The following RBFOX3 variants were observed in gnomAD, a reference collection of about 807,000 sequenced individuals.
The protein encoded by RBFOX3 is RNA binding protein fox-1 homolog 3.
Under a neutral mutation model 48.7 loss-of-function variants are expected in RBFOX3, and 17 were observed. The observed-to-expected ratio is 0.35, with a 90% CI of 0.24 to 0.52. The LOEUF (loss-of-function observed/expected upper bound fraction) is 0.52, where lower values mean the gene tolerates loss of function less well. Ranked by LOEUF, RBFOX3 falls within the 20% of genes least tolerant of loss-of-function variation. RBFOX3 has a pLI of 0.94. For missense variants in RBFOX3, 382 were observed against 497.5 expected (o/e 0.77, Z 2.21); for synonymous variants, 212 against 209.5 (o/e 1.01, Z -0.10).
In RBFOX3 at chr17:79,592,620, C is replaced by T. The variant is rs892613997; in HGVS notation, c.-320+18206G>A. 4.6e-5 allele frequency among the ~76,000 whole-genome samples: 7 copies of T among 152,136 alleles called. No homozygotes were observed. In the East Asian group the frequency reaches 1.4e-3, roughly 29 times the overall value. On this transcript the variant is annotated intron_variant, in intron 1 of 14. Coordinates refer to ENST00000693108, the MANE Select transcript of RBFOX3 (RefSeq NM_001350451.2). ...AGGGAGTGGTTCCCTCCCCACACTC[C>T]CACCTGCGCTGTGAACACACTCCCT...
chr17:79,539,343 C>T (rs2089331607), intron 1 of RBFOX3, among the ~76,000 whole-genome samples: 1 of 152,122 alleles, frequency 6.6e-6, no homozygotes, highest in African/African-American at 2.4e-5. Flanking sequence ...CAGAGTGAGA[C>T]CTTGTCTCAA....
At chr17:79,630,047 C>T in the RBFOX3 span, among the ~76,000 whole-genome samples, 4 of 152,002 alleles carry the variant, frequency 2.6e-5, no homozygotes, top group African/African-American at 7.3e-5. Context: ...GGATCTGAAT[C>T]GTATTTGTAA....
chr17:79,620,508 CGCATACGTGCACAT>C, the RBFOX3 span, among the ~76,000 whole-genome samples: 16 of 150,652 alleles, frequency 1.1e-4, no homozygotes, highest in East Asian at 9.9e-4. Flanking sequence ...CACACACATG[CGCATACGTGCACAT>C]GCATACGCGC....
Position 79,286,707 on chromosome 17 carries a change from T to C in RBFOX3, c.-74+21017A>G, listed in dbSNP as rs533713514. Among the ~76,000 whole-genome samples the C allele has an allele frequency of 5.9e-5, 9 of 152,154 alleles. No homozygotes were observed. In the East Asian group the frequency reaches 1.7e-3, roughly 29 times the overall value. On this transcript the variant is annotated intron_variant, in intron 3 of 14. Transcript: ENST00000693108. ...ACTTTCTGGTTCTTCTCCCTTGGTG[T>C]TAAGAATGGGAAAGGGTAGGGCCCT...
intron 2 of RBFOX3, among the ~76,000 whole-genome samples, chr17:79,449,086 T>C (rs1167099482): frequency 1.3e-5 from 2 of 152,032 alleles, no homozygotes; most frequent in Non-Finnish European, 2.9e-5. Context: ...CCCAGACCCC[T>C]CTTCCTGCCT....
chr17:79,156,835 T>G (rs1470001543), intron 4 of RBFOX3, among the ~76,000 whole-genome samples: 1 of 152,186 alleles, frequency 6.6e-6, no homozygotes, highest in African/African-American at 2.4e-5. Context: ...CCTTGGCTTC[T>G]GCTGATGGGA....
chr17:79,281,280 C>G (rs995047317), intron 3 of RBFOX3, among the ~76,000 whole-genome samples: 39 of 151,838 alleles, frequency 2.6e-4, no homozygotes, highest in South Asian at 8.3e-4. Context: ...AGCTTGGATG[C>G]GTGTGGTTAG....
chr17:79,665,418 A>G, the RBFOX3 span, among the ~76,000 whole-genome samples: 2 of 151,772 alleles, frequency 1.3e-5, no homozygotes, highest in Non-Finnish European at 2.9e-5. Context: ...GGGCCTGGAG[A>G]GGAGCGGAGC....
At chr17:79,201,147 A>G (rs1230515318) in intron 4 of RBFOX3, among the ~76,000 whole-genome samples, 1 of 151,524 alleles carries the variant, frequency 6.6e-6, no homozygotes, top group East Asian at 2.0e-4. Context: ...TCCGGATCCG[A>G]TGGAGCTGTA....
chr17:79,216,002 A>G (rs762564531), intron 4 of RBFOX3, among the ~76,000 whole-genome samples: 2 of 152,228 alleles, frequency 1.3e-5, no homozygotes, highest in Non-Finnish European at 2.9e-5. Context: ...GCAGGGCTGG[A>G]GCTGATGGTC....
Position 79,391,074 on chromosome 17 carries a change from C to A in RBFOX3, c.-174-83250G>T, listed in dbSNP as rs2061330494. Among the ~76,000 whole-genome samples the A allele has an allele frequency of 6.6e-6, 1 of 152,196 alleles. No individual in the cohort carries two copies. Among genetic ancestry groups the A allele is most frequent in the Admixed American group, 6.5e-5 (1 of 15,280 alleles). The stretch of plus-strand genomic sequence containing the variant: ...CTACCCACTGCCATGGGAGCCTTCG[C>A]ACCTCGGGTCTGGTGGCCTGTAACC... On this transcript the variant is annotated intron_variant, in intron 2 of 14. Transcript: ENST00000693108. The surrounding 1 kb of genome is among the most constrained non-coding windows in gnomAD (Gnocchi z 5.0).
rs545605155 is a variant in RBFOX3 at position 79,220,229 on chromosome 17, G to C, written c.-34+15537C>G. 6.6e-6 allele frequency among the ~76,000 whole-genome samples: 1 copy of C among 152,126 alleles called. No homozygotes were observed. The highest frequency in any genetic ancestry group is 2.4e-5 in the African/African-American group (1 of 41,422). ...AACCGCGGCTCCACAGCAGGCTCCC[G>C]GGGAGGAGGGGAGGAGACCCAATCA... On this transcript the variant is annotated intron_variant, in intron 4 of 14. Coordinates refer to ENST00000693108, the MANE Select transcript of RBFOX3 (RefSeq NM_001350451.2). The surrounding 1 kb of genome is among the most constrained non-coding windows in gnomAD (Gnocchi z 5.9).
At chr17:79,318,768 T>G (rs2077915776) in intron 2 of RBFOX3, among the ~76,000 whole-genome samples, 1 of 141,658 alleles carries the variant, frequency 7.1e-6, no homozygotes, top group African/African-American at 2.7e-5. Context: ...GGCAGGAGAA[T>G]GGTGTGAACC....
chr17:79,415,146 TCTGCCCGGTGCCAC>T (rs2065119090), intron 2 of RBFOX3, among the ~76,000 whole-genome samples: 1 of 152,190 alleles, frequency 6.6e-6, no homozygotes, highest in African/African-American at 2.4e-5. Context: ...GGGGGTGCAA[TCTGCCCGGTGCCAC>T]CTACGAGGAC....
rs966099512 is a variant in RBFOX3 at position 79,596,581 on chromosome 17, A to G, written c.-320+14245T>C. On this transcript the variant is annotated intron_variant, in intron 1 of 14. Transcript: ENST00000693108. ...GAGCCACAAAGGCCCCTGCCCCCCA[A>G]CCAGCTCTCAGAATTCAACAAATGT... Among the ~76,000 whole-genome samples, 195 of 152,170 alleles carry G rather than the reference A, an allele frequency of 1.3e-3. 1 individual carries two copies. The highest frequency in any genetic ancestry group is 4.4e-3 in the African/African-American group (182 of 41,518).
In RBFOX3 at chr17:79,299,672, A is replaced by ACTT. The variant is rs1439665914; in HGVS notation, c.-74+8049_-74+8051dup. On this transcript the variant is annotated intron_variant, in intron 3 of 14. Transcript: ENST00000693108. The surrounding 1 kb of genome is among the most constrained non-coding windows in gnomAD (Gnocchi z 4.5). ...CGGACAACTGTGTTTAGAGATATGG[A>ACTT]CTTTGAAGGGGTAATTTGGTTAAAC... 1.3e-5 allele frequency among the ~76,000 whole-genome samples: 2 copies of ACTT among 152,158 alleles called. No homozygotes were observed. The highest frequency in any genetic ancestry group is 2.9e-5 in the Non-Finnish European group (2 of 68,040).
In RBFOX3 at chr17:79,582,024, C is replaced by A. The variant is rs983657371; in HGVS notation, c.-320+28802G>T. Reference sequence around the variant, plus strand: ...TGCCCGTGTATGTGCCTGTGCGTGCCTGTGCGTGCCTGTGTATGCATGCAT... The same window carrying A: ...TGCCCGTGTATGTGCCTGTGCGTGCATGTGCGTGCCTGTGTATGCATGCAT... On this transcript the variant is annotated intron_variant, in intron 1 of 14. Coordinates refer to ENST00000693108, the MANE Select transcript of RBFOX3 (RefSeq NM_001350451.2). Among the ~76,000 whole-genome samples the A allele has an allele frequency of 5.4e-5, 8 of 149,224 alleles. No individual in the cohort carries two copies. The East Asian group carries it at 1.2e-3, about 22-fold the overall frequency.
At chr17:79,194,151 G>A (rs2055070712) in intron 4 of RBFOX3, among the ~76,000 whole-genome samples, 1 of 152,170 alleles carries the variant, frequency 6.6e-6, no homozygotes. Flanking sequence ...CTTTCACATG[G>A]CGCTGTCCTC....
chr17:79,465,018 C>G (rs901926613), intron 2 of RBFOX3, among the ~76,000 whole-genome samples: 2 of 152,258 alleles, frequency 1.3e-5, no homozygotes, highest in South Asian at 4.1e-4. Flanking sequence ...CATGGGGACC[C>G]AAGGGTCTCC....
Sources: gnomAD v4.1 joint callset for allele counts (sites outside exome capture counted in the v4.1 genomes callset) on GRCh38, gnomAD v4.1.1 for gene constraint, Gnocchi (gnomAD v3.1) non-coding constraint, MANE v1.5 for transcripts, NCBI Gene and HGNC (gene_info 2026-07-23, HGNC 2026-07-21) for gene names.